Variants in PPFIBP1 observed in about 807,000 individuals in gnomAD.
PPFIBP1 encodes the protein PPFIB scaffold protein 1, also known as liprin-beta-1.
PPFIBP1 carries 112 observed loss-of-function variants against 137.8 expected under a neutral mutation model. The ratio of observed to expected loss-of-function variants is 0.81; its 90% CI spans 0.70 to 0.95. PPFIBP1 has a LOEUF of 0.95. Among genes scored for constraint, PPFIBP1 ranks in the 40% least tolerant of loss-of-function variants. The pLI, the probability that PPFIBP1 is intolerant of heterozygous loss-of-function variation, is 0.00. For missense variants in PPFIBP1, 1,083 were observed against 1,196.6 expected (o/e 0.91, Z 1.40); for synonymous variants, 378 against 417.3 (o/e 0.91, Z 1.15).
chr12:27,647,661 G>C (rs1165465722), intron 5 of PPFIBP1, 68 bp from the exon 6 acceptor site: 6 of 916,934 alleles, frequency 6.5e-6, no homozygotes, highest in Non-Finnish European at 9.6e-6. Context: ...GTTCCATTTA[G>C]AGAAATAACG....
chr12:27,644,356 C>A (rs1020433903), intron 4 of PPFIBP1, among the ~76,000 whole-genome samples: 1 of 150,062 alleles, frequency 6.7e-6, no homozygotes, highest in Non-Finnish European at 1.5e-5. Flanking sequence ...GCTGGAATTA[C>A]AGGTATGCAC....
Position 27,679,992 on chromosome 12 carries a change from A to G in PPFIBP1, c.1826A>G (p.Lys609Arg). The stretch of plus-strand genomic sequence containing the variant: ...GATGACATGTCTGAGCCTGAATTCA[A>G]AAGAGGAGGGACAAGGGCAACCGCG... ...NPDDMSEPEF[K>R]RGGTRATAGP... Residue 609 changes from lysine (K) to arginine (R), a missense_variant, in exon 21 of 30, where the codon AAA (lysine) becomes AGA (arginine). Lys to Arg is a conservative substitution (Grantham distance 26, BLOSUM62 2). Transcript: ENST00000228425. 9 of 1,614,118 alleles carry G rather than the reference A, an allele frequency of 5.6e-6. No individual in the cohort carries two copies. The highest frequency in any genetic ancestry group is 7.6e-6 in the Non-Finnish European group (9 of 1,179,988).
intron 19 of PPFIBP1, among the ~76,000 whole-genome samples, 153 bp from the exon 20 acceptor site, chr12:27,679,336 T>C (rs2060746883): frequency 6.6e-6 from 1 of 152,254 alleles, no homozygotes; most frequent in Non-Finnish European, 1.5e-5. Context: ...AACGTATATG[T>C]GTGTTCCATT....
intron 1 of PPFIBP1, among the ~76,000 whole-genome samples, chr12:27,572,507 C>T (rs1043666722): frequency 6.6e-6 from 1 of 152,126 alleles, no homozygotes; most frequent in African/African-American, 2.4e-5. Context: ...AGAAAGCAAG[C>T]CATTACTAAA....
At chr12:27,555,296 GCA>G (rs1016085516) in intron 1 of PPFIBP1, among the ~76,000 whole-genome samples, 5 of 152,206 alleles carry the variant, frequency 3.3e-5, no homozygotes, top group African/African-American at 1.2e-4. Context: ...CTTTGCTGTG[GCA>G]TAGATCATAG....
chr12:27,671,652 C>G (rs1417950355), intron 14 of PPFIBP1, 106 bp downstream of exon 14: 6 of 611,092 alleles, frequency 9.8e-6, no homozygotes, highest in Non-Finnish European at 1.4e-5. Flanking sequence ...CCTAGAGAAG[C>G]AAGAAACTGC....
chr12:27,607,268 A>G (rs2054611671), intron 2 of PPFIBP1, among the ~76,000 whole-genome samples: 1 of 152,220 alleles, frequency 6.6e-6, no homozygotes, highest in Non-Finnish European at 1.5e-5. Flanking sequence ...GCCAGGGGCC[A>G]ATGCCACCAA....
chr12:27,590,028 C>A (rs1245596446), intron 2 of PPFIBP1, among the ~76,000 whole-genome samples: 1 of 152,096 alleles, frequency 6.6e-6, no homozygotes, highest in African/African-American at 2.4e-5. Context: ...ACTGACCAGT[C>A]TTTTTTGACT....
chr12:27,551,097 C>T (rs1401135002), intron 1 of PPFIBP1, among the ~76,000 whole-genome samples: 2 of 151,728 alleles, frequency 1.3e-5, no homozygotes, highest in Non-Finnish European at 2.9e-5. Flanking sequence ...GGGAGATCTT[C>T]TCCAAGATCA....
chr12:27,565,714 G>C (rs1363894128), intron 1 of PPFIBP1, among the ~76,000 whole-genome samples: 2 of 152,102 alleles, frequency 1.3e-5, no homozygotes, highest in South Asian at 4.1e-4. Flanking sequence ...AGGGGTCTAC[G>C]TTCATTGCTC....
At chr12:27,544,635 GA>G (rs542880028) in intron 1 of PPFIBP1, among the ~76,000 whole-genome samples, 129 of 152,212 alleles carry the variant, frequency 8.5e-4, no homozygotes, top group African/African-American at 2.9e-3. Flanking sequence ...ACAAACATAT[GA>G]AAAAAAGCTC....
chr12:27,684,393 GCCA>G (rs1343610363), intron 24 of PPFIBP1, among the ~76,000 whole-genome samples: 1 of 152,238 alleles, frequency 6.6e-6, no homozygotes, highest in Non-Finnish European at 1.5e-5. Context: ...ACAGGCGTGA[GCCA>G]CTGTGCCCGG....
chr12:27,621,679 T>C (rs1003911846), intron 2 of PPFIBP1, among the ~76,000 whole-genome samples: 1 of 152,150 alleles, frequency 6.6e-6, no homozygotes, highest in African/African-American at 2.4e-5. Flanking sequence ...TGACACCCAG[T>C]TGGAATAGAA....
intron 13 of PPFIBP1, 75 bp downstream of exon 13, chr12:27,667,395 C>T (rs2059920862): frequency 1.6e-6 from 2 of 1,236,276 alleles, no homozygotes; most frequent in African/African-American, 3.1e-5. Flanking sequence ...CTGCTCATAA[C>T]ATGAAAAACA....
intron 9 of PPFIBP1, 97 bp downstream of exon 9, chr12:27,656,827 CAAAG>C (rs1208205490): frequency 1.2e-6 from 1 of 826,286 alleles, no homozygotes; most frequent in Non-Finnish European, 2.0e-6. Flanking sequence ...GTTTTAGCAT[CAAAG>C]AAAGAGCAGC....
rs545216773 is a variant in PPFIBP1 at position 27,581,251 on chromosome 12, T to G, written c.-36+3012T>G. 2.6e-5 allele frequency among the ~76,000 whole-genome samples: 4 copies of G among 152,310 alleles called. No individual in the cohort carries two copies. The South Asian group carries it at 8.3e-4, about 32-fold the overall frequency. ...GCACGTATATGAAATTTCGTTTGCCTAAGAGTGTAAGCAACACCCTAGTCT... is the reference window on the plus strand; with the variant it reads ...GCACGTATATGAAATTTCGTTTGCCGAAGAGTGTAAGCAACACCCTAGTCT... On this transcript the variant is annotated intron_variant, in intron 2 of 29. Transcript: ENST00000228425.
intron 5 of PPFIBP1, among the ~76,000 whole-genome samples, chr12:27,647,512 A>T (rs763049804): frequency 2.6e-5 from 4 of 152,178 alleles, no homozygotes; most frequent in Non-Finnish European, 5.9e-5. Flanking sequence ...ATCTACACGA[A>T]TTTTCTCCAA....
chr12:27,684,360 C>T (rs1052481537), intron 24 of PPFIBP1, among the ~76,000 whole-genome samples: 2 of 142,360 alleles, frequency 1.4e-5, no homozygotes, highest in East Asian at 4.2e-4. Flanking sequence ...CCACCTGCCT[C>T]GGCCTCCCAA....
At chr12:27,607,650 T>G (rs900960092) in intron 2 of PPFIBP1, among the ~76,000 whole-genome samples, 17 of 152,180 alleles carry the variant, frequency 1.1e-4, no homozygotes, top group African/African-American at 4.1e-4. Flanking sequence ...GGCCACACTT[T>G]GAGACCCACT....
Sources: gnomAD v4.1 joint callset for allele counts (sites outside exome capture counted in the v4.1 genomes callset) on GRCh38, gnomAD v4.1.1 for gene constraint, MANE v1.5 for transcripts, NCBI Gene and HGNC (gene_info 2026-07-23, HGNC 2026-07-21) for gene names.